The following TTC21B variants were observed in gnomAD, a reference collection of about 807,000 sequenced individuals.
The protein encoded by TTC21B is tetratricopeptide repeat domain 21B, also known as tetratricopeptide repeat protein 21B.
Under a neutral mutation model 175.1 loss-of-function variants are expected in TTC21B, and 127 were observed. That is an observed-to-expected ratio of 0.73 (90% CI 0.63 to 0.84). The LOEUF (loss-of-function observed/expected upper bound fraction) is 0.84. Ranked by LOEUF, TTC21B falls within the 40% of genes least tolerant of loss-of-function variation. The probability of loss-of-function intolerance (pLI) is 0.00; values close to 1 mark genes in which losing one functional copy is unlikely to be tolerated. For missense variants in TTC21B, 1,561 were observed against 1,558.3 expected (o/e 1.00, Z -0.03); for synonymous variants, 524 against 524.5 (o/e 1.00, Z 0.01).
At chr2:165,934,668 T>C (rs1049891658) in intron 6 of TTC21B, 1 of 150,088 alleles carries the variant, frequency 6.7e-6, no homozygotes, top group East Asian at 2.0e-4. Flanking sequence ...TTTTAGCATA[T>C]GAAAAATTGC....
intron 26 of TTC21B, among the ~76,000 whole-genome samples, chr2:165,882,399 T>G (rs1489436267): frequency 6.6e-6 from 1 of 152,204 alleles, no homozygotes; most frequent in Non-Finnish European, 1.5e-5. Flanking sequence ...TTTTTCTATT[T>G]TGGATCTTCG....
Position 165,927,333 on chromosome 2 carries a change from TATATAATA to T in TTC21B, c.1386+1794_1386+1801del, listed in dbSNP as rs1173520056. 9.0e-4 allele frequency among the ~76,000 whole-genome samples: 81 copies of T among 89,572 alleles called. 4 individuals carry two copies. The highest frequency in any genetic ancestry group is 9.0e-4 in the Non-Finnish European group (38 of 42,444). The allele number at this position is 89,572 out of a possible 152,430, so 58.8% of individuals were successfully genotyped here. ...TATATATTATATAATATATATATAATATATAATATATATATAATATATTTTATATATAT... is the reference window on the plus strand; with the variant it reads ...TATATATTATATAATATATATATAATTATATATAATATATTTTATATATAT... On this transcript the variant is annotated intron_variant, in intron 11 of 28. Transcript: ENST00000243344.
intron 22 of TTC21B, among the ~76,000 whole-genome samples, chr2:165,894,491 G>C (rs186123809): frequency 2.0e-5 from 3 of 152,142 alleles, no homozygotes; most frequent in African/African-American, 7.2e-5. Flanking sequence ...AGTATGTAAG[G>C]TACTAGTAAG....
In TTC21B at chr2:165,912,747, A is replaced by C; in HGVS notation, c.2212-123T>G. ...ATTACATAAGACTTGGCATATATTA[A>C]AGCACAGGAACTTTAACAATTTCAA... is the stretch of plus-strand genomic sequence containing the variant. On this transcript the variant is annotated intron_variant, in intron 16 of 28. Transcript: ENST00000243344. The C allele has an allele frequency of 3.8e-6, 3 of 789,060 alleles. No homozygotes were observed. In the Admixed American group the frequency reaches 5.8e-5, roughly 15 times the overall value. 48.9% of individuals were successfully genotyped at this position (789,060 alleles called of 1,614,324 possible).
chr2:165,926,990 C>T (rs1399988987), intron 11 of TTC21B, among the ~76,000 whole-genome samples: 2 of 5,404 alleles, frequency 3.7e-4, no homozygotes, highest in Non-Finnish European at 5.5e-4. Context: ...ATATAAACTC[C>T]CATATATATA....
At chr2:165,889,114 C>A (rs1005481353) in intron 24 of TTC21B, among the ~76,000 whole-genome samples, 5 of 152,092 alleles carry the variant, frequency 3.3e-5, no homozygotes, top group African/African-American at 1.2e-4. Flanking sequence ...TTATTTTATA[C>A]ACACAAACCC....
chr2:165,883,639 T>A (rs1482252331), intron 26 of TTC21B, among the ~76,000 whole-genome samples, 155 bp downstream of exon 26: 1 of 152,218 alleles, frequency 6.6e-6, no homozygotes, highest in African/African-American at 2.4e-5. Context: ...TTTTTCTTAT[T>A]ATTAATGCTT....
chr2:165,934,500 C>CAAAAAAAAAAAAAAAAAAAAA (rs369089707), intron 6 of TTC21B, among the ~76,000 whole-genome samples: 4 of 71,906 alleles, frequency 5.6e-5, no homozygotes, highest in Admixed American at 1.9e-4. Context: ...GACTCTGTCT[C>CAAAAAAAAAAAAAAAAAAAAA]AAAAAAAAAA....
At position 165,888,451 on chromosome 2, in the gene TTC21B, G is replaced by C. The variant is rs1331516366; in HGVS notation, c.3287C>G (p.Ser1096Cys). The change falls in exon 25 of 29, where the codon TCT becomes TGT. Residue 1096 changes from serine to cysteine, a missense_variant. Ser to Cys is a moderately radical substitution (Grantham distance 112, BLOSUM62 -1). Coordinates refer to ENST00000243344, the MANE Select transcript of TTC21B (RefSeq NM_024753.5). ...TGCTGTTCTTACTGCCAGTTGCACA[G>C]ATTCTTGCTTCTCAGTTGAATTACT... ...DLGNSTEKQE[S>C]VQLAVRTAEK... The C allele has an allele frequency of 1.2e-6, 2 of 1,613,538 alleles. No homozygotes were observed. The highest frequency in any genetic ancestry group is 1.7e-6 in the Non-Finnish European group (2 of 1,179,712).
intron 20 of TTC21B, among the ~76,000 whole-genome samples, chr2:165,900,374 A>G (rs543124858): frequency 2.0e-5 from 3 of 152,366 alleles, no homozygotes; most frequent in African/African-American, 7.2e-5. Context: ...TGAAAAAATT[A>G]TATTAATAAA....
rs140908725 is a variant in TTC21B at position 165,890,611 on chromosome 2, C to T, written c.3131G>A (p.Arg1044Gln). ...ATCTTTCCGAGCTTTATTAAAATGT[C>T]GAAGGGCATCATTTGGTTCTCCAGT... Reference protein sequence around the residue: ...WYTGEPNDALRHFNKARKDRD... With the variant: ...WYTGEPNDALQHFNKARKDRD... Residue 1044 changes from arginine to glutamine, a missense_variant, in exon 24 of 29, where the codon CGA becomes CAA. Transcript: ENST00000243344. The T allele has an allele frequency of 3.8e-5, 62 of 1,613,582 alleles. No individual in the cohort carries two copies. In the African/African-American group the frequency reaches 6.8e-4, roughly 18 times the overall value.
rs1328989936 is a variant in TTC21B, at chr2:165,894,493, AC to A, written c.2951-3506del. Among the ~76,000 whole-genome samples, 3 of 152,320 alleles carry A rather than the reference AC, an allele frequency of 2.0e-5. No homozygotes were observed. In the East Asian group the frequency reaches 5.8e-4, roughly 29 times the overall value. Reference sequence around the variant, plus strand: ...AGATCTGTGGATAAGTATGTAAGGTACTAGTAAGAATAAAGCATACAACACA... The same window carrying A: ...AGATCTGTGGATAAGTATGTAAGGTATAGTAAGAATAAAGCATACAACACA... On this transcript the variant is annotated intron_variant, in intron 22 of 28. Coordinates refer to ENST00000243344, the MANE Select transcript of TTC21B (RefSeq NM_024753.5).
At chr2:165,887,655 C>G (rs900751928) in intron 25 of TTC21B, among the ~76,000 whole-genome samples, 1 of 151,754 alleles carries the variant, frequency 6.6e-6, no homozygotes, top group African/African-American at 2.4e-5. Context: ...CCATTGCACT[C>G]CAGCCTGGGC....
At chr2:165,885,219 G>T (rs1296787963) in intron 25 of TTC21B, among the ~76,000 whole-genome samples, 2 of 152,112 alleles carry the variant, frequency 1.3e-5, no homozygotes, top group African/African-American at 4.8e-5. Flanking sequence ...TATAATAAAA[G>T]TATACTATAA....
chr2:165,926,951 A>G (rs1163076866), intron 11 of TTC21B, among the ~76,000 whole-genome samples: 1 of 142,124 alleles, frequency 7.0e-6, no homozygotes, highest in Non-Finnish European at 1.5e-5. Context: ...ATTCTTTAAT[A>G]AACTCCCATA....
Position 165,898,722 on chromosome 2 carries a change from C to CT in TTC21B, c.2913dup (p.Val972SerfsTer11), listed in dbSNP as rs867205119. On this transcript the variant is annotated frameshift_variant, in exon 22 of 29. Coordinates refer to ENST00000243344, the MANE Select transcript of TTC21B (RefSeq NM_024753.5). LOFTEE classifies it high-confidence loss of function. Reference sequence around the variant, plus strand: ...TCTAAAAGCTGCTGTAAATGAAACACTGCTTGTTCATAGTCTTGTTTTCTG... The same window carrying CT: ...TCTAAAAGCTGCTGTAAATGAAACACTTGCTTGTTCATAGTCTTGTTTTCTG... 13 of 1,613,646 alleles carry CT rather than the reference C, an allele frequency of 8.1e-6. No individual in the cohort carries two copies. In the African/African-American group the frequency reaches 1.7e-4, roughly 22 times the overall value.
chr2:165,925,456 G>A (rs1686593356), intron 11 of TTC21B, among the ~76,000 whole-genome samples: 1 of 152,116 alleles, frequency 6.6e-6, no homozygotes, highest in Non-Finnish European at 1.5e-5. Context: ...TACTAAGGCT[G>A]TTTCTTTATG....
intron 19 of TTC21B, among the ~76,000 whole-genome samples, chr2:165,906,254 TAAAAAAAAAAAA>T (rs1163343694): frequency 3.1e-4 from 14 of 45,320 alleles, no homozygotes; most frequent in Admixed American, 8.9e-4. Flanking sequence ...TTCAAGAGGC[TAAAAAAAAAAAA>T]AAAAAAAAAA....
At chr2:165,890,413 T>G (rs1685146013) in intron 24 of TTC21B, 66 bp downstream of exon 24, 6 of 1,482,890 alleles carry the variant, frequency 4.0e-6, no homozygotes, top group Non-Finnish European at 9.4e-7. Context: ...TTCTTTTGTA[T>G]AGTATCCCTG....
Sources: gnomAD v4.1 joint callset for allele counts (sites outside exome capture counted in the v4.1 genomes callset) on GRCh38, gnomAD v4.1.1 for gene constraint, MANE v1.5 for transcripts, NCBI Gene and HGNC (gene_info 2026-07-23, HGNC 2026-07-21) for gene names.